SBNO2: variants seen among roughly 807,000 people sequenced by gnomAD.
SBNO2 encodes protein strawberry notch homolog 2.
In SBNO2, 89 loss-of-function variants were observed where a neutral mutation model predicts 146.3. The observed-to-expected ratio is 0.61, with a 90% CI of 0.51 to 0.73. SBNO2 has a LOEUF of 0.73. Ranked by LOEUF, SBNO2 falls within the 30% of genes least tolerant of loss-of-function variation. The pLI is 0.00. For missense variants in SBNO2, 2,092 were observed against 2,003.7 expected, an observed-to-expected ratio of 1.04 and a Z score of -0.84; for synonymous variants, 1,147 against 892.6, an observed-to-expected ratio of 1.29 and a Z score of -5.08.
chr19:1,167,606 G>A (rs1224729678), intron 1 of SBNO2, among the ~76,000 whole-genome samples: 3 of 152,182 alleles, frequency 2.0e-5, no homozygotes, highest in Non-Finnish European at 2.9e-5. Context: ...CCTCCAGCTG[G>A]AGAAGGGTCC....
rs748138864 is a variant in SBNO2, at chr19:1,147,431, ATGG to A, written c.168-14_168-12del. 403 of 591,672 alleles carry A rather than the reference ATGG, an allele frequency of 6.8e-4. 4 individuals are homozygous for A. The highest frequency in any genetic ancestry group is 9.8e-4 in the Middle Eastern group (2 of 2,036). 36.7% of individuals were successfully genotyped at this position (591,672 alleles called of 1,614,324 possible). On this transcript the variant is annotated splice_polypyrimidine_tract_variant and intron_variant, in intron 3 of 31. Coordinates refer to ENST00000361757, the MANE Select transcript of SBNO2 (RefSeq NM_014963.3). The stretch of plus-strand genomic sequence containing the variant: ...GAGCTCATGAACGGGCTGGAGGGAG[ATGG>A]GGGGGGGGGAGGTGAGATGGGGTGC...
rs1266190551 is a variant in SBNO2 at position 1,144,363 on chromosome 19, C to A, written c.279+2946G>T. Among the ~76,000 whole-genome samples, 1 of 152,186 alleles carries A rather than the reference C, an allele frequency of 6.6e-6. No homozygotes were observed. The highest frequency in any genetic ancestry group is 2.4e-5 in the African/African-American group (1 of 41,444). On this transcript the variant is annotated intron_variant, in intron 4 of 31. Transcript: ENST00000361757. This position sits in a 1 kb window ranked among gnomAD's most constrained non-coding sequence, Gnocchi z 4.1. ...GGAGATTTGGGTCCAAGCTGCCCCA[C>A]ATACGGACGCTGGAGCATGAGGCGG...
At chr19:1,119,747 C>A in intron 12 of SBNO2, 126 bp from the exon 13 acceptor site, 1 of 985,616 alleles carries the variant, frequency 1.0e-6, no homozygotes, top group Non-Finnish European at 1.5e-6. Context: ...CTGAAGAGAG[C>A]CAGCGTGGCC....
intron 4 of SBNO2, among the ~76,000 whole-genome samples, chr19:1,131,336 C>T (rs1324726739): frequency 6.6e-6 from 1 of 152,230 alleles, no homozygotes; most frequent in African/African-American, 2.4e-5. Flanking sequence ...GCCCCCAGTT[C>T]TGGGGCCCCA....
In SBNO2 at chr19:1,109,420, G is replaced by A. The variant is rs775972341; in HGVS notation, c.3220C>T (p.Arg1074Cys). The A allele has an allele frequency of 2.3e-4, 362 of 1,564,652 alleles. 7 individuals are homozygous for A. The Middle Eastern group carries it at 3.2e-3, about 14-fold the overall frequency. The part of the protein sequence containing the change: ...YDGFYLSYKV[R>C]GNKPSCLLAE... ...AGCAGGCAGCTGGGCTTGTTACCGC[G>A]GACCTGCGGAGGGGGGCGTTGAGGC... Residue 1074 changes from arginine (R) to cysteine (C), a missense_variant, in exon 29 of 32, where the codon CGC becomes TGC. By Grantham distance (180) the Arg-to-Cys change is radical. Coordinates refer to ENST00000361757, the MANE Select transcript of SBNO2 (RefSeq NM_014963.3). The surrounding 1 kb of genome is among the most constrained non-coding windows in gnomAD (Gnocchi z 4.2).
rs528078342 is a variant in SBNO2 at position 1,170,390 on chromosome 19, G to A, written c.-127+3782C>T. On this transcript the variant is annotated intron_variant, in intron 1 of 31. Coordinates refer to ENST00000361757, the MANE Select transcript of SBNO2 (RefSeq NM_014963.3). ...TGCAGGTGCCGGCCAACCTCCCGGG[G>A]GTTGGGGGCGAGAGTGCAGAGGCGA... 1.9e-3 allele frequency among the ~76,000 whole-genome samples: 285 copies of A among 152,266 alleles called. 1 individual carries two copies. The highest frequency in any genetic ancestry group is 6.8e-3 in the African/African-American group (282 of 41,544).
intron 17 of SBNO2, among the ~76,000 whole-genome samples, chr19:1,115,112 T>C (rs1168655753): frequency 2.0e-5 from 3 of 151,864 alleles, no homozygotes; most frequent in Non-Finnish European, 4.4e-5. Flanking sequence ...CTATTTTTAG[T>C]AGAGATGGAG....
chr19:1,160,649 C>G (rs997400357), intron 1 of SBNO2, among the ~76,000 whole-genome samples: 2 of 152,188 alleles, frequency 1.3e-5, no homozygotes, highest in Non-Finnish European at 2.9e-5. Context: ...TGTGCCTCAG[C>G]TTCTGGAGTA....
intron 4 of SBNO2, among the ~76,000 whole-genome samples, chr19:1,129,432 CCAAA>C (rs2080003402): frequency 6.6e-6 from 1 of 152,068 alleles, no homozygotes; most frequent in Non-Finnish European, 1.5e-5. Context: ...GAACCTGCCC[CCAAA>C]CAGAGACCCC....
At position 1,126,259 on chromosome 19, in the gene SBNO2, T is replaced by G. The variant is rs1442781619; in HGVS notation, c.441+1345A>C. 6.6e-6 allele frequency among the ~76,000 whole-genome samples: 1 copy of G among 152,042 alleles called. No individual in the cohort carries two copies. The highest frequency in any genetic ancestry group is 2.4e-5 in the African/African-American group (1 of 41,378). ...AGGAAGGTTAGAAACCTATACTCAG[T>G]TGCCCTCTCCTTTTTTTTTTAAGTT... is the stretch of plus-strand genomic sequence containing the variant. On this transcript the variant is annotated intron_variant, in intron 5 of 31. Transcript: ENST00000361757. The surrounding 1 kb of genome is among the most constrained non-coding windows in gnomAD (Gnocchi z 4.4).
chr19:1,113,803 G>T (rs1321337431), intron 18 of SBNO2, 99 bp from the exon 19 acceptor site: 1 of 1,359,144 alleles, frequency 7.4e-7, no homozygotes, highest in Non-Finnish European at 9.5e-7. Flanking sequence ...CAAGGGGCCC[G>T]GGGCAACCCT....
intron 15 of SBNO2, 124 bp from the exon 16 acceptor site, chr19:1,117,050 A>T (rs2145207549): frequency 1.0e-6 from 1 of 953,962 alleles, no homozygotes; most frequent in East Asian, 2.7e-5. Flanking sequence ...CCTCCCCAGG[A>T]GGGGCCACGG....
intron 17 of SBNO2, chr19:1,115,765 G>GC (rs757814124): frequency 4.1e-5 from 23 of 561,186 alleles, no homozygotes; most frequent in South Asian, 4.3e-5. Flanking sequence ...TCCGTGTCCC[G>GC]CCCCCCGGGT....
rs201804891 is a variant in SBNO2, at chr19:1,172,778, G to GCC, written c.-127+1392_-127+1393dup. 8.1e-3 allele frequency among the ~76,000 whole-genome samples: 290 copies of GCC among 35,960 alleles called. 38 individuals carry two copies. Among genetic ancestry groups the GCC allele is most frequent in the South Asian group, 0.021 (16 of 772 alleles). The allele number at this position is 35,960 out of a possible 152,430, so 23.6% of individuals were successfully genotyped here. A position where few individuals can be genotyped will look rare whatever the true frequency, so the allele number is the denominator to read the frequency against. ...CCTCTGTAAAACACTCACTGCAACCGCCCCCCCCGCCCCGGCAAACTGGCA... is the reference window on the plus strand; with the variant it reads ...CCTCTGTAAAACACTCACTGCAACCGCCCCCCCCCCGCCCCGGCAAACTGGCA... On this transcript the variant is annotated intron_variant, in intron 1 of 31. Coordinates refer to ENST00000361757, the MANE Select transcript of SBNO2 (RefSeq NM_014963.3).
intron 1 of SBNO2, among the ~76,000 whole-genome samples, chr19:1,161,485 G>C (rs2080344612): frequency 1.1e-5 from 1 of 88,988 alleles, no homozygotes; most frequent in Non-Finnish European, 2.2e-5. Flanking sequence ...TGAGCACTGG[G>C]GGTACCTGAG....
At chr19:1,117,649 G>A (rs191378344) in intron 14 of SBNO2, 150 bp from the exon 15 acceptor site, 1 of 790,526 alleles carries the variant, frequency 1.3e-6, no homozygotes, top group Admixed American at 2.9e-5. Flanking sequence ...TGCACTGTAA[G>A]AGGCACTGCC....
rs2080235029 is a variant in SBNO2, at chr19:1,150,734, C to A, written c.94-1292G>T. ...CCTGCTCCTCTATGAGGCCCTGATG[C>A]AATTCCCTGGGGCTCGGCCACCTCT... On this transcript the variant is annotated intron_variant, in intron 2 of 31. Coordinates refer to ENST00000361757, the MANE Select transcript of SBNO2 (RefSeq NM_014963.3). The surrounding 1 kb of genome is among the most constrained non-coding windows in gnomAD (Gnocchi z 6.2). 6.6e-6 allele frequency among the ~76,000 whole-genome samples: 1 copy of A among 152,168 alleles called. No homozygotes were observed. The highest frequency in any genetic ancestry group is 6.5e-5 in the Admixed American group (1 of 15,284).
chr19:1,163,632 C>T (rs2080371803), intron 1 of SBNO2, among the ~76,000 whole-genome samples: 1 of 152,228 alleles, frequency 6.6e-6, no homozygotes, highest in South Asian at 2.1e-4. Flanking sequence ...TGGCTCCAGG[C>T]TGCCAACCAC....
chr19:1,166,179 G>T (rs2080422079), intron 1 of SBNO2, among the ~76,000 whole-genome samples: 1 of 140,548 alleles, frequency 7.1e-6, no homozygotes, highest in Admixed American at 7.2e-5. Context: ...CCAGACCCCA[G>T]ATCCCAGACT....
Sources: gnomAD v4.1 joint callset for allele counts (sites outside exome capture counted in the v4.1 genomes callset) on GRCh38, gnomAD v4.1.1 for gene constraint, Gnocchi (gnomAD v3.1) non-coding constraint, MANE v1.5 for transcripts, NCBI Gene and HGNC (gene_info 2026-07-23, HGNC 2026-07-21) for gene names.